PCDH9: variants seen among roughly 807,000 people sequenced by gnomAD.
The protein encoded by PCDH9 is protocadherin-9.
In PCDH9, 24 loss-of-function variants were observed where a neutral mutation model predicts 70.6. The observed-to-expected ratio is 0.34, with a 90% CI of 0.25 to 0.48. The LOEUF (loss-of-function observed/expected upper bound fraction) is 0.48. Among genes scored for constraint, PCDH9 ranks in the 20% least tolerant of loss-of-function variants. PCDH9 has a pLI of 0.99. For synonymous variants in PCDH9, 562 were observed against 558.5 expected (o/e 1.01, Z -0.09); for missense variants, 1,281 against 1,503.6 (o/e 0.85, Z 2.45).
Position 66,438,049 on chromosome 13 carries a change from T to C in PCDH9, c.3341-133021A>G, listed in dbSNP as rs984696884. ...AGGAGTTCAAGACAAGTTTGGCCAATATGGTGAAACCCCATCTCTACTAAA... is the reference window on the plus strand; with the variant it reads ...AGGAGTTCAAGACAAGTTTGGCCAACATGGTGAAACCCCATCTCTACTAAA... On this transcript the variant is annotated intron_variant, in intron 4 of 4. Coordinates refer to ENST00000377865, the MANE Select transcript of PCDH9 (RefSeq NM_203487.3). 3.3e-5 allele frequency among the ~76,000 whole-genome samples: 5 copies of C among 151,870 alleles called. No individual in the cohort carries two copies. In the East Asian group the frequency reaches 9.7e-4, roughly 30 times the overall value.
intron 4 of PCDH9, among the ~76,000 whole-genome samples, chr13:66,610,059 G>C (rs1034960658): frequency 1.3e-5 from 2 of 149,456 alleles, no homozygotes; most frequent in Admixed American, 1.4e-4. Context: ...CCGGGTTCAC[G>C]CCATTCTCCT....
intron 3 of PCDH9, among the ~76,000 whole-genome samples, chr13:66,761,636 T>C (rs1396212875): frequency 1.3e-5 from 2 of 152,204 alleles, no homozygotes; most frequent in Non-Finnish European, 2.9e-5. Context: ...TAATATGTAT[T>C]GCAGTTTTCA....
intron 4 of PCDH9, among the ~76,000 whole-genome samples, chr13:66,537,194 G>A (rs1316232920): frequency 2.0e-5 from 3 of 151,978 alleles, no homozygotes; most frequent in Non-Finnish European, 4.4e-5. Context: ...TGCATTGTAC[G>A]CACTGATCAT....
At chr13:66,875,154 A>G (rs1184011931) in intron 3 of PCDH9, among the ~76,000 whole-genome samples, 1 of 152,188 alleles carries the variant, frequency 6.6e-6, no homozygotes, top group African/African-American at 2.4e-5. Flanking sequence ...AGACTTGATT[A>G]TAAAACTTTT....
chr13:66,786,882 A>G (rs914471051), intron 3 of PCDH9, among the ~76,000 whole-genome samples: 26 of 152,190 alleles, frequency 1.7e-4, no homozygotes, highest in South Asian at 8.3e-4. Flanking sequence ...CATATTAAGG[A>G]GAAGAAAAAA....
chr13:66,562,118 G>A (rs1293268546), intron 4 of PCDH9, among the ~76,000 whole-genome samples: 6 of 152,076 alleles, frequency 3.9e-5, no homozygotes, highest in East Asian at 1.9e-4. Flanking sequence ...AAGGGTCCAC[G>A]GCTTCATTCT....
intron 4 of PCDH9, among the ~76,000 whole-genome samples, chr13:66,628,397 C>A (rs561799364): frequency 1.3e-5 from 2 of 152,286 alleles, no homozygotes; most frequent in African/African-American, 4.8e-5. Context: ...CAATAAATTT[C>A]TCATAATAAC....
At chr13:66,624,162 C>T (rs1566463622) in intron 4 of PCDH9, among the ~76,000 whole-genome samples, 1 of 152,148 alleles carries the variant, frequency 6.6e-6, no homozygotes, top group Non-Finnish European at 1.5e-5. Context: ...GATCTGAACA[C>T]ATAATTGTTT....
At chr13:66,642,833 G>A (rs1410651815) in intron 3 of PCDH9, among the ~76,000 whole-genome samples, 1 of 151,880 alleles carries the variant, frequency 6.6e-6, no homozygotes, top group African/African-American at 2.4e-5. Context: ...ACAATATTAA[G>A]GGTAGCTACG....
chr13:66,943,543 A>C (rs2083039799), intron 2 of PCDH9, among the ~76,000 whole-genome samples: 1 of 152,128 alleles, frequency 6.6e-6, no homozygotes. Context: ...AAATTACATG[A>C]AAATGATCTC....
intron 3 of PCDH9, among the ~76,000 whole-genome samples, chr13:66,681,631 G>A (rs2139060943): frequency 6.6e-6 from 1 of 152,026 alleles, no homozygotes; most frequent in Non-Finnish European, 1.5e-5. Context: ...TGACTTCTAG[G>A]CTTTTGAACA....
chr13:66,601,098 G>T (rs887694966), intron 4 of PCDH9, among the ~76,000 whole-genome samples: 3 of 144,896 alleles, frequency 2.1e-5, no homozygotes, highest in African/African-American at 7.4e-5. Flanking sequence ...ATGTCTTTAT[G>T]ATTCAGGTTA....
At chr13:66,937,185 A>G (rs985155102) in intron 2 of PCDH9, among the ~76,000 whole-genome samples, 7 of 152,160 alleles carry the variant, frequency 4.6e-5, no homozygotes, top group African/African-American at 1.4e-4. Flanking sequence ...TGGATTTTAC[A>G]TGCATTATCC....
At chr13:66,990,351 C>T (rs557983357) in intron 2 of PCDH9, among the ~76,000 whole-genome samples, 23 of 151,770 alleles carry the variant, frequency 1.5e-4, no homozygotes, top group African/African-American at 5.5e-4. Context: ...TTCATCATCT[C>T]CCTCTCTTTC....
intron 2 of PCDH9, among the ~76,000 whole-genome samples, chr13:67,085,243 A>G (rs1308523360): frequency 1.3e-5 from 2 of 151,712 alleles, no homozygotes; most frequent in Non-Finnish European, 2.9e-5. Flanking sequence ...ATCAAGATGG[A>G]GATCTGTGAA....
chr13:67,227,915 C>T lies in PCDH9; in HGVS notation c.526G>A (p.Val176Ile). ...ATDPDTGFNG[V>I]QHYELLNGQS... is the part of the protein sequence containing the mutation. ...CCATTTAACAATTCATAATGCTGTA[C>T]ACCATTGAAGCCTGTGTCAGGATCT... The change falls in exon 2 of 5, where the codon GTA (valine) becomes ATA (isoleucine). Residue 176 changes from valine to isoleucine, a missense_variant. Val to Ile is a conservative substitution (Grantham distance 29). This residue lies in a region of PCDH9 where 798 missense variants were observed against 1,003.1 expected (regional missense o/e 0.80). Transcript: ENST00000377865. The surrounding 1 kb of genome is among the most constrained non-coding windows in gnomAD (Gnocchi z 4.6). The T allele has an allele frequency of 1.2e-6, 2 of 1,614,126 alleles. No individual in the cohort carries two copies. The highest frequency in any genetic ancestry group is 8.5e-7 in the Non-Finnish European group (1 of 1,180,002).
At chr13:66,470,371 C>T (rs1247493213) in intron 4 of PCDH9, among the ~76,000 whole-genome samples, 2 of 152,144 alleles carry the variant, frequency 1.3e-5, no homozygotes, top group African/African-American at 4.8e-5. Flanking sequence ...CATATTTATC[C>T]AGTTCCTGCT....
intron 2 of PCDH9, among the ~76,000 whole-genome samples, chr13:67,189,840 A>T (rs1162852723): frequency 6.6e-6 from 1 of 152,010 alleles, no homozygotes; most frequent in Non-Finnish European, 1.5e-5. Context: ...ACTTAGGCTA[A>T]TGCTTCAAGG....
At chr13:66,539,316 T>C (rs1325541109) in intron 4 of PCDH9, among the ~76,000 whole-genome samples, 1 of 152,110 alleles carries the variant, frequency 6.6e-6, no homozygotes, top group Admixed American at 6.6e-5. Context: ...AAATCTCATT[T>C]TGAATTGTAT....
Sources: gnomAD v4.1 joint callset for allele counts (sites outside exome capture counted in the v4.1 genomes callset) on GRCh38, gnomAD v4.1.1 for gene constraint, gnomAD v4.1.1 regional missense constraint, Gnocchi (gnomAD v3.1) non-coding constraint, MANE v1.5 for transcripts, NCBI Gene and HGNC (gene_info 2026-07-23, HGNC 2026-07-21) for gene names.